HS3ST4: variants seen among roughly 807,000 people sequenced by gnomAD.
HS3ST4 encodes heparan sulfate-glucosamine 3-sulfotransferase 4.
Under a neutral mutation model 29.2 loss-of-function variants are expected in HS3ST4, and 17 were observed. That is an observed-to-expected ratio of 0.58 (90% CI 0.40 to 0.87). The LOEUF (loss-of-function observed/expected upper bound fraction) is 0.87. Among genes scored for constraint, HS3ST4 ranks in the 40% least tolerant of loss-of-function variants. HS3ST4 has a pLI of 0.00. For missense variants in HS3ST4, 627 were observed against 634.5 expected (o/e 0.99, Z 0.13); for synonymous variants, 314 against 285.7 (o/e 1.10, Z -1.00).
chr16:25,986,713 GAGA>G (rs1322593856), intron 1 of HS3ST4, among the ~76,000 whole-genome samples: 2 of 152,324 alleles, frequency 1.3e-5, no homozygotes, highest in Admixed American at 6.5e-5. Flanking sequence ...AATTTTTATG[GAGA>G]AGAATTCACT....
At chr16:25,737,642 A>T (rs947107915) in intron 1 of HS3ST4, among the ~76,000 whole-genome samples, 3 of 152,202 alleles carry the variant, frequency 2.0e-5, no homozygotes, top group Non-Finnish European at 4.4e-5. Flanking sequence ...TACAATGTAC[A>T]TTACTTGAGT....
intron 1 of HS3ST4, among the ~76,000 whole-genome samples, chr16:25,772,849 G>C (rs1259107563): frequency 6.6e-6 from 1 of 152,164 alleles, no homozygotes; most frequent in Non-Finnish European, 1.5e-5. Flanking sequence ...GGGAATCAAA[G>C]GTGGCTATGA....
At chr16:25,891,755 T>C (rs1218705195) in intron 1 of HS3ST4, among the ~76,000 whole-genome samples, 2 of 152,194 alleles carry the variant, frequency 1.3e-5, no homozygotes, top group Non-Finnish European at 2.9e-5. Flanking sequence ...GGGACTCTAG[T>C]CTGCCACAAG....
chr16:25,864,733 T>C (rs1485622872), intron 1 of HS3ST4, among the ~76,000 whole-genome samples: 4 of 152,118 alleles, frequency 2.6e-5, no homozygotes, highest in Admixed American at 1.3e-4. Flanking sequence ...TTCTTGTTTG[T>C]GGCTGAATAA....
chr16:26,107,866 A>G (rs1032098399), intron 1 of HS3ST4, among the ~76,000 whole-genome samples: 2 of 152,182 alleles, frequency 1.3e-5, no homozygotes, highest in Non-Finnish European at 2.9e-5. Flanking sequence ...GTGTGCAGGT[A>G]TCTTTTTGAA....
chr16:25,964,879 G>A (rs3923414), intron 1 of HS3ST4, among the ~76,000 whole-genome samples: 42,048 of 151,746 alleles, frequency 0.28, 6,029 homozygotes, highest in African/African-American at 0.33. Context: ...ATGTTCGAGT[G>A]TATTATATAC....
intron 1 of HS3ST4, among the ~76,000 whole-genome samples, chr16:25,841,610 A>G (rs1018373304): frequency 3.3e-5 from 5 of 152,104 alleles, no homozygotes; most frequent in Admixed American, 6.5e-5. Context: ...TATTTATTTA[A>G]TATTAAATAA....
At chr16:25,918,800 C>T (rs577688759) in intron 1 of HS3ST4, among the ~76,000 whole-genome samples, 10 of 152,168 alleles carry the variant, frequency 6.6e-5, no homozygotes, top group East Asian at 3.9e-4. Context: ...GCCAAGACTC[C>T]GTCTCAAAAA....
chr16:26,106,538 A>G (rs936019307), intron 1 of HS3ST4, among the ~76,000 whole-genome samples: 1 of 152,226 alleles, frequency 6.6e-6, no homozygotes, highest in Admixed American at 6.5e-5. Flanking sequence ...GAATAACTCA[A>G]AGGGTCCTGA....
At chr16:25,961,886 T>G (rs55993806) in intron 1 of HS3ST4, among the ~76,000 whole-genome samples, 10,383 of 152,256 alleles carry the variant, frequency 0.068, 486 homozygotes, top group Non-Finnish European at 0.092. Context: ...TTAACCTCTA[T>G]TTTATACTAC....
chr16:26,023,700 C>A (rs972192055), intron 1 of HS3ST4, among the ~76,000 whole-genome samples: 10 of 152,058 alleles, frequency 6.6e-5, no homozygotes, highest in Non-Finnish European at 1.2e-4. Context: ...AGCCATCCCA[C>A]CTGGCCAATA....
intron 1 of HS3ST4, among the ~76,000 whole-genome samples, chr16:25,927,425 T>G (rs1294819558): frequency 6.6e-6 from 1 of 152,186 alleles, no homozygotes; most frequent in African/African-American, 2.4e-5. Flanking sequence ...TTGGGAGGAA[T>G]GCCAAAGGGA....
chr16:25,957,942 C>T (rs911830645), intron 1 of HS3ST4, among the ~76,000 whole-genome samples: 6 of 152,062 alleles, frequency 3.9e-5, no homozygotes, highest in Admixed American at 2.0e-4. Context: ...TCCTTAGACT[C>T]TTCTTGTAAG....
intron 1 of HS3ST4, among the ~76,000 whole-genome samples, chr16:25,867,964 C>T: frequency 6.6e-6 from 1 of 152,052 alleles, no homozygotes; most frequent in African/African-American, 2.4e-5. Context: ...GGCAGACAGG[C>T]AGGTGGTAGG....
chr16:25,909,109 C>G (rs768369210), intron 1 of HS3ST4, among the ~76,000 whole-genome samples: 1 of 152,220 alleles, frequency 6.6e-6, no homozygotes, highest in Non-Finnish European at 1.5e-5. Context: ...AATATGCACA[C>G]TAGTCGCCTA....
chr16:25,861,212 C>T (rs1030519540), intron 1 of HS3ST4, among the ~76,000 whole-genome samples: 1 of 152,156 alleles, frequency 6.6e-6, no homozygotes, highest in Non-Finnish European at 1.5e-5. Context: ...ACAGCAGAAG[C>T]AGTGAGGTCC....
chr16:26,080,740 G>A (rs1898714545), intron 1 of HS3ST4, among the ~76,000 whole-genome samples: 1 of 152,086 alleles, frequency 6.6e-6, no homozygotes, highest in African/African-American at 2.4e-5. Flanking sequence ...TTAACTCTAA[G>A]GTACCTCCAT....
intron 1 of HS3ST4, among the ~76,000 whole-genome samples, chr16:25,777,301 A>G (rs1966848404): frequency 6.6e-6 from 1 of 152,092 alleles, no homozygotes; most frequent in Non-Finnish European, 1.5e-5. Context: ...ACACCTCTAT[A>G]ACTTTGTTAG....
chr16:25,946,738 G>A (rs1297441219), intron 1 of HS3ST4, among the ~76,000 whole-genome samples: 1 of 152,144 alleles, frequency 6.6e-6, no homozygotes, highest in Non-Finnish European at 1.5e-5. Context: ...GGGAACGGGG[G>A]CAATTTACCT....
Sources: allele counts gnomAD v4.1 joint callset (sites outside exome capture counted in the v4.1 genomes callset), GRCh38; gene constraint gnomAD v4.1.1; transcripts MANE v1.5; gene names NCBI Gene and HGNC (gene_info 2026-07-23, HGNC 2026-07-21).